LRP12: variants seen among roughly 807,000 people sequenced by gnomAD.
LRP12 encodes the protein LDL receptor related protein 12, also known as low-density lipoprotein receptor-related protein 12.
In LRP12, 14 loss-of-function variants were observed where a neutral mutation model predicts 66.0. That is an observed-to-expected ratio of 0.21 (90% confidence interval 0.14 to 0.33). The LOEUF is 0.33. LRP12 is among the 10% of genes least tolerant of loss of function. LRP12 has a pLI of 1.00. For synonymous variants in LRP12, 357 were observed against 359.1 expected (o/e 0.99, Z 0.07); for missense variants, 889 against 1,053.4 (o/e 0.84, Z 2.16).
intron 1 of LRP12, among the ~76,000 whole-genome samples, chr8:104,538,916 T>C (rs1045184852): frequency 2.0e-5 from 3 of 152,154 alleles, no homozygotes; most frequent in African/African-American, 7.2e-5. Flanking sequence ...TGTATTAGGC[T>C]TTATAGCTCT....
intron 1 of LRP12, among the ~76,000 whole-genome samples, chr8:104,547,341 C>T (rs909483546): frequency 1.6e-5 from 2 of 127,842 alleles, no homozygotes; most frequent in African/African-American, 6.1e-5. Context: ...ATATAATATA[C>T]AATTCTGTTA....
rs549175633 is a variant in LRP12, at chr8:104,569,987, T to G, written c.79+18832A>C. Among the ~76,000 whole-genome samples the G allele has an allele frequency of 9.9e-5, 15 of 152,282 alleles. No homozygotes were observed. The South Asian group carries it at 3.1e-3, about 32-fold the overall frequency. On this transcript the variant is annotated intron_variant, in intron 1 of 6. Transcript: ENST00000276654. The stretch of plus-strand genomic sequence containing the variant: ...GGTCAACACAAAAATCAATCACATT[T>G]CATATACATGCAAAAAACAATTAAA...
intron 1 of LRP12, among the ~76,000 whole-genome samples, chr8:104,539,393 A>G (rs1326107677): frequency 6.6e-6 from 1 of 152,178 alleles, no homozygotes; most frequent in Non-Finnish European, 1.5e-5. Context: ...GCTCTGGGTT[A>G]ATAACTGCTG....
In LRP12 at chr8:104,495,982, G is replaced by C. The variant is rs574375556; in HGVS notation, c.1581-773C>G. ...GAAAAGATGCAGTAATGGTTATTAC[G>C]ATACTGTGCATCTGTGTGCCACCTA... On this transcript the variant is annotated intron_variant, in intron 5 of 6. Coordinates refer to ENST00000276654, the MANE Select transcript of LRP12 (RefSeq NM_013437.5). The C allele has an allele frequency of 3.3e-5, 5 of 151,528 alleles. No individual in the cohort carries two copies. The East Asian group carries it at 9.7e-4, about 29-fold the overall frequency. 9.4% of individuals were successfully genotyped at this position (151,528 alleles called of 1,614,324 possible). A position where few individuals can be genotyped will look rare whatever the true frequency, so the allele number is the denominator to read the frequency against.
Position 104,548,201 on chromosome 8 carries a change from TG to T in LRP12, c.80-16239del, listed in dbSNP as rs1221074927. ...AATATATAATATATATATAAATATATGATATATTTATATTAATATATGATAT... is the reference window on the plus strand; with the variant it reads ...AATATATAATATATATATAAATATATATATATTTATATTAATATATGATAT... On this transcript the variant is annotated intron_variant, in intron 1 of 6. Transcript: ENST00000276654. Among the ~76,000 whole-genome samples, 661 of 89,034 alleles carry T rather than the reference TG, an allele frequency of 7.4e-3. 24 individuals carry two copies. Among genetic ancestry groups the T allele is most frequent in the African/African-American group, 0.027 (426 of 16,006 alleles). The allele number at this position is 89,034 out of a possible 152,430, so 58.4% of individuals were successfully genotyped here.
intron 1 of LRP12, among the ~76,000 whole-genome samples, chr8:104,572,127 T>C (rs1812088516): frequency 6.6e-6 from 1 of 152,226 alleles, no homozygotes; most frequent in Admixed American, 6.5e-5. Context: ...CTCCAAGATA[T>C]TATGCTGAGT....
At chr8:104,574,271 T>TA (rs1269763454) in intron 1 of LRP12, among the ~76,000 whole-genome samples, 1 of 152,230 alleles carries the variant, frequency 6.6e-6, no homozygotes, top group Non-Finnish European at 1.5e-5. Flanking sequence ...AATGTTTTAA[T>TA]AATTACTCAA....
At chr8:104,521,457 A>G (rs1811150570) in intron 2 of LRP12, among the ~76,000 whole-genome samples, 1 of 151,442 alleles carries the variant, frequency 6.6e-6, no homozygotes, top group South Asian at 2.1e-4. Context: ...TGATTCAATT[A>G]TAGAGTATAT....
At chr8:104,557,897 A>G (rs1454825288) in intron 1 of LRP12, among the ~76,000 whole-genome samples, 3 of 152,204 alleles carry the variant, frequency 2.0e-5, no homozygotes, top group African/African-American at 7.2e-5. Context: ...TCACCAAAAC[A>G]GCATGGTACT....
At chr8:104,492,494 A>C (rs4474003) in intron 6 of LRP12, among the ~76,000 whole-genome samples, 36,491 of 152,026 alleles carry the variant, frequency 0.24, 4,450 homozygotes, top group Middle Eastern at 0.31. Context: ...TATTTCCAGG[A>C]AACAATCTTA....
intron 1 of LRP12, among the ~76,000 whole-genome samples, chr8:104,563,227 TAC>T (rs933704906): frequency 1.3e-5 from 2 of 152,194 alleles, no homozygotes; most frequent in African/African-American, 2.4e-5. Flanking sequence ...TGTATTTATT[TAC>T]ACAGATTCAT....
chr8:104,528,244 AAAGAGCAGGGG>A (rs1332341505), intron 2 of LRP12, among the ~76,000 whole-genome samples: 1 of 152,186 alleles, frequency 6.6e-6, no homozygotes, highest in African/African-American at 2.4e-5. Context: ...GCAGAGGTGA[AAAGAGCAGGGG>A]AAGAGCAGAA....
intron 5 of LRP12, among the ~76,000 whole-genome samples, chr8:104,496,476 T>C (rs979007821): frequency 2.0e-5 from 3 of 152,200 alleles, no homozygotes; most frequent in African/African-American, 7.2e-5. Flanking sequence ...AGATTACGTA[T>C]TTTTGACTTT....
intron 4 of LRP12, among the ~76,000 whole-genome samples, chr8:104,498,565 C>A (rs932500968): frequency 5.3e-5 from 8 of 152,140 alleles, no homozygotes; most frequent in African/African-American, 1.7e-4. Flanking sequence ...GATCTCGCTC[C>A]TTTTTATGGC....
intron 1 of LRP12, among the ~76,000 whole-genome samples, chr8:104,534,521 CAG>C (rs1455293773): frequency 6.6e-6 from 1 of 151,910 alleles, no homozygotes; most frequent in Non-Finnish European, 1.5e-5. Context: ...TCTGGATAAA[CAG>C]AAATCTGGTA....
intron 3 of LRP12, among the ~76,000 whole-genome samples, chr8:104,500,890 C>T (rs182274139): frequency 6.6e-6 from 1 of 152,240 alleles, no homozygotes; most frequent in East Asian, 1.9e-4. Flanking sequence ...TACAGTTCTA[C>T]CAAGTATGTA....
intron 1 of LRP12, among the ~76,000 whole-genome samples, chr8:104,558,027 T>C (rs1352293053): frequency 2.0e-5 from 3 of 152,054 alleles, no homozygotes; most frequent in African/African-American, 7.2e-5. Context: ...CTGGCCAACA[T>C]GGTGAAACCC....
intron 2 of LRP12, among the ~76,000 whole-genome samples, chr8:104,526,040 G>A (rs1039629344): frequency 3.9e-5 from 6 of 152,056 alleles, no homozygotes; most frequent in Admixed American, 2.0e-4. Context: ...ACCAATAACA[G>A]ACAAACAGAG....
chr8:104,539,069 G>A (rs1811428140), intron 1 of LRP12, among the ~76,000 whole-genome samples: 1 of 152,094 alleles, frequency 6.6e-6, no homozygotes, highest in East Asian at 1.9e-4. Context: ...TGTGAAGAAA[G>A]TCCACAGATT....
Sources: gnomAD v4.1 joint callset for allele counts (sites outside exome capture counted in the v4.1 genomes callset) on GRCh38, gnomAD v4.1.1 for gene constraint, MANE v1.5 for transcripts, NCBI Gene and HGNC (gene_info 2026-07-23, HGNC 2026-07-21) for gene names.